The following TMEM272 variants were observed in gnomAD, a reference collection of about 807,000 sequenced individuals.
TMEM272 encodes the protein long intergenic non-protein coding RNA 282.
Under a neutral mutation model 3.7 loss-of-function variants are expected in TMEM272, and 8 were observed. The ratio of observed to expected loss-of-function variants is 2.17; its 90% CI spans 1.27 to 3.91. TMEM272 has a LOEUF of 3.91. Ranked by LOEUF, TMEM272 falls within the 30% of genes most tolerant of loss-of-function variation. TMEM272 has a pLI of 0.00. For missense variants in TMEM272, 166 were observed against 91.5 expected, an observed-to-expected ratio of 1.81 and a Z score of -3.32; for synonymous variants, 63 against 39.8, an observed-to-expected ratio of 1.58 and a Z score of -2.20.
chr13:51,851,404 GA>G, the TMEM272 span, among the ~76,000 whole-genome samples: 6 of 146,298 alleles, frequency 4.1e-5, no homozygotes, highest in African/African-American at 1.5e-4. Context: ...GGAGGAAGAA[GA>G]AGAACAAGAA....
the TMEM272 span, among the ~76,000 whole-genome samples, chr13:51,921,035 C>A: frequency 6.6e-6 from 1 of 152,188 alleles, no homozygotes; most frequent in Non-Finnish European, 1.5e-5. Flanking sequence ...CTCTGCGACG[C>A]CTGGTGGGAG....
At chr13:51,827,306 A>G (rs1956134638) in intron 2 of TMEM272, among the ~76,000 whole-genome samples, 1 of 152,124 alleles carries the variant, frequency 6.6e-6, no homozygotes, top group East Asian at 1.9e-4. Context: ...CCTGTCACTC[A>G]CTGGCCATGT....
At chr13:51,872,536 G>A in the TMEM272 span, among the ~76,000 whole-genome samples, 3 of 152,144 alleles carry the variant, frequency 2.0e-5, no homozygotes, top group South Asian at 4.2e-4. Context: ...ACACAAGTTT[G>A]CAGATGGAAA....
chr13:51,899,874 G>A, the TMEM272 span, among the ~76,000 whole-genome samples: 50 of 152,242 alleles, frequency 3.3e-4, no homozygotes, highest in Non-Finnish European at 5.6e-4. Context: ...AATTGATTTA[G>A]ACAAGCCTAG....
chr13:51,841,316 G>A (rs2139589267), intron 1 of TMEM272, among the ~76,000 whole-genome samples: 1 of 152,334 alleles, frequency 6.6e-6, no homozygotes, highest in Middle Eastern at 3.4e-3. Flanking sequence ...TAGAACAGAG[G>A]GAGGAGACAC....
the TMEM272 span, chr13:51,932,227 A>G: frequency 6.6e-6 from 1 of 152,218 alleles, no homozygotes; most frequent in Admixed American, 6.5e-5. Context: ...GAGCTTTCCC[A>G]GCAGAGCCTA....
intron 2 of TMEM272, among the ~76,000 whole-genome samples, chr13:51,829,860 T>C (rs914168213): frequency 1.3e-5 from 2 of 151,490 alleles, no homozygotes; most frequent in South Asian, 2.1e-4. Context: ...ACTTAAAAAA[T>C]AGCAGATGGA....
chr13:51,824,565 G>A (rs749087373), intron 3 of TMEM272, among the ~76,000 whole-genome samples: 1 of 152,216 alleles, frequency 6.6e-6, no homozygotes, highest in South Asian at 2.1e-4. Flanking sequence ...TGGATGTGGT[G>A]ATTTTAATAT....
At chr13:51,858,848 C>T in the TMEM272 span, among the ~76,000 whole-genome samples, 1 of 152,148 alleles carries the variant, frequency 6.6e-6, no homozygotes, top group Non-Finnish European at 1.5e-5. Flanking sequence ...GCTCCTTCCC[C>T]CCTGCAAACA....
Position 51,835,859 on chromosome 13 carries a change from T to G in TMEM272, c.58+2614A>C, listed in dbSNP as rs186434301. 7.0e-4 allele frequency among the ~76,000 whole-genome samples: 107 copies of G among 152,386 alleles called. No homozygotes were observed. In the South Asian group the frequency reaches 7.0e-3, roughly 10 times the overall value. On this transcript the variant is annotated intron_variant, in intron 2 of 4. Transcript: ENST00000629372. ...TTTTTAGTTGGAAATAATCCCAGTGTGCATTTCCTGGGGATATTCTCTTAT... is the reference window on the plus strand; with the variant it reads ...TTTTTAGTTGGAAATAATCCCAGTGGGCATTTCCTGGGGATATTCTCTTAT...
chr13:51,822,285 C>G (rs1956086380), intron 3 of TMEM272, 148 bp from the exon 4 acceptor site: 1 of 584,030 alleles, frequency 1.7e-6, no homozygotes. Flanking sequence ...CACCAGTCAC[C>G]TGATCCTCAG....
chr13:51,908,701 T>A, the TMEM272 span: 3 of 1,481,184 alleles, frequency 2.0e-6, no homozygotes, highest in Non-Finnish European at 2.8e-6. Context: ...GAAGGTATAT[T>A]AAAACTTCTG....
the TMEM272 span, among the ~76,000 whole-genome samples, chr13:51,880,905 T>C: frequency 1.3e-5 from 2 of 152,172 alleles, no homozygotes; most frequent in South Asian, 4.1e-4. Flanking sequence ...AACTTACACA[T>C]GTAACCAAAT....
chr13:51,877,994 C>T, the TMEM272 span, among the ~76,000 whole-genome samples: 2 of 152,148 alleles, frequency 1.3e-5, no homozygotes, highest in African/African-American at 2.4e-5. Flanking sequence ...TTATAAATTG[C>T]GGTTCCGCGG....
At chr13:51,886,573 T>C in the TMEM272 span, among the ~76,000 whole-genome samples, 43 of 152,340 alleles carry the variant, frequency 2.8e-4, no homozygotes, top group African/African-American at 7.9e-4. Context: ...CTCTCCACTG[T>C]TGGTGTCTTA....
At chr13:51,902,519 G>A in the TMEM272 span, among the ~76,000 whole-genome samples, 1 of 152,222 alleles carries the variant, frequency 6.6e-6, no homozygotes, top group African/African-American at 2.4e-5. Context: ...AGGTTTTATA[G>A]AAAGTATGTT....
chr13:51,862,386 TAC>T, the TMEM272 span, among the ~76,000 whole-genome samples: 2 of 152,272 alleles, frequency 1.3e-5, no homozygotes, highest in Admixed American at 1.3e-4. Flanking sequence ...GATACACATC[TAC>T]AGTTTTATAT....
chr13:51,839,799 G>A (rs1451330123), intron 1 of TMEM272, among the ~76,000 whole-genome samples: 1 of 152,234 alleles, frequency 6.6e-6, no homozygotes, highest in African/African-American at 2.4e-5. Context: ...GCAGGCAGGA[G>A]CCATGCAGCC....
At chr13:51,896,578 G>A in the TMEM272 span, among the ~76,000 whole-genome samples, 12 of 152,250 alleles carry the variant, frequency 7.9e-5, no homozygotes, top group South Asian at 1.2e-3. Context: ...GCACCCAGCC[G>A]GATGCCCTGA....
Sources: allele counts gnomAD v4.1 joint callset (sites outside exome capture counted in the v4.1 genomes callset), GRCh38; gene constraint gnomAD v4.1.1; transcripts MANE v1.5; gene names NCBI Gene and HGNC (gene_info 2026-07-23, HGNC 2026-07-21).